ITGA9: variants seen among roughly 807,000 people sequenced by gnomAD.
The protein encoded by ITGA9 is integrin alpha-9.
Under a neutral mutation model 127.8 loss-of-function variants are expected in ITGA9, and 56 were observed. The observed-to-expected ratio is 0.44, with a 90% CI of 0.35 to 0.55. The LOEUF (loss-of-function observed/expected upper bound fraction) is 0.55. Ranked by LOEUF, ITGA9 falls within the 20% of genes least tolerant of loss-of-function variation. The probability of loss-of-function intolerance (pLI) is 0.00; values close to 1 mark genes in which losing one functional copy is unlikely to be tolerated. For missense variants in ITGA9, 1,196 were observed against 1,347.1 expected (o/e 0.89, Z 1.76); for synonymous variants, 508 against 514.5 (o/e 0.99, Z 0.17).
chr3:37,769,507 C>T (rs943573938), intron 23 of ITGA9, among the ~76,000 whole-genome samples: 4 of 152,178 alleles, frequency 2.6e-5, no homozygotes, highest in East Asian at 1.9e-4. Context: ...CCTCCACCCA[C>T]GCCATGTGTA....
At chr3:37,581,128 T>C (rs1439599881) in intron 15 of ITGA9, among the ~76,000 whole-genome samples, 5 of 152,154 alleles carry the variant, frequency 3.3e-5, no homozygotes, top group African/African-American at 9.7e-5. Context: ...CCTGATATTG[T>C]AGATATTTTC....
chr3:37,681,589 G>C (rs1700735349), intron 17 of ITGA9, among the ~76,000 whole-genome samples: 1 of 152,116 alleles, frequency 6.6e-6, no homozygotes, highest in African/African-American at 2.4e-5. Flanking sequence ...ATGCTGAGTG[G>C]CCAAAAATAA....
At chr3:37,561,542 TAAG>T (rs1317606576) in intron 15 of ITGA9, among the ~76,000 whole-genome samples, 9 of 152,236 alleles carry the variant, frequency 5.9e-5, no homozygotes, top group Admixed American at 2.6e-4. Flanking sequence ...TTACAAAAGT[TAAG>T]AAGCATGGTT....
chr3:37,576,643 A>G (rs1041173000), intron 15 of ITGA9, among the ~76,000 whole-genome samples: 2 of 152,158 alleles, frequency 1.3e-5, no homozygotes, highest in Non-Finnish European at 2.9e-5. Flanking sequence ...ATCTGGCTCT[A>G]TCGCCCAGGC....
At chr3:37,739,745 C>T (rs998331549) in intron 20 of ITGA9, among the ~76,000 whole-genome samples, 4 of 152,036 alleles carry the variant, frequency 2.6e-5, no homozygotes, top group East Asian at 1.9e-4. Context: ...AGCAGTCACA[C>T]GATGACAGAT....
Position 37,819,148 on chromosome 3 carries a change from G to A in ITGA9, c.*159G>A. ...CAAGCCCAGGTGCCAGCCTGAGGCAGCCACTTCGGCCAGGTCACACGACCG... is the reference window on the plus strand; with the variant it reads ...CAAGCCCAGGTGCCAGCCTGAGGCAACCACTTCGGCCAGGTCACACGACCG... On this transcript the variant is annotated 3_prime_UTR_variant, in exon 28 of 28. Coordinates refer to ENST00000264741, the MANE Select transcript of ITGA9 (RefSeq NM_002207.3). 1 of 674,000 alleles carries A rather than the reference G, an allele frequency of 1.5e-6. No individual in the cohort carries two copies. The highest frequency in any genetic ancestry group is 2.7e-6 in the Non-Finnish European group (1 of 370,532). 41.8% of individuals were successfully genotyped at this position (674,000 alleles called of 1,614,324 possible).
chr3:37,607,137 C>A (rs1415606097), intron 15 of ITGA9, among the ~76,000 whole-genome samples: 1 of 151,992 alleles, frequency 6.6e-6, no homozygotes, highest in Admixed American at 6.6e-5. Flanking sequence ...CATGTGCCCC[C>A]GTACCTGGCT....
chr3:37,715,669 C>A (rs147454614), intron 18 of ITGA9, among the ~76,000 whole-genome samples: 3 of 152,180 alleles, frequency 2.0e-5, no homozygotes, highest in East Asian at 3.9e-4. Flanking sequence ...TAATGTTTGG[C>A]GGGTGGATTT....
intron 7 of ITGA9, among the ~76,000 whole-genome samples, chr3:37,507,282 A>G (rs1302798653): frequency 6.6e-6 from 1 of 152,206 alleles, no homozygotes; most frequent in Non-Finnish European, 1.5e-5. Context: ...AGCTGTTCAC[A>G]TTGATGTTGT....
Position 37,481,618 on chromosome 3 carries a change from A to G in ITGA9, c.544+11A>G. The G allele has an allele frequency of 6.2e-7, 1 of 1,614,062 alleles. No individual in the cohort carries two copies. The highest frequency in any genetic ancestry group is 1.1e-5 in the South Asian group (1 of 91,080). On this transcript the variant is annotated intron_variant, in intron 4 of 27. Transcript: ENST00000264741. The stretch of plus-strand genomic sequence containing the variant: ...TCCCTTGCTATGAAGGTGAGCATGG[A>G]TTGATTTTTCCTCATCCCCCTACCC...
intron 18 of ITGA9, among the ~76,000 whole-genome samples, chr3:37,709,113 G>T (rs1446333142): frequency 6.6e-6 from 1 of 152,150 alleles, no homozygotes; most frequent in Non-Finnish European, 1.5e-5. Context: ...GTGAGACTGA[G>T]CTAAGAATAA....
At chr3:37,532,997 G>A (rs267562) in intron 13 of ITGA9, among the ~76,000 whole-genome samples, 83,906 of 151,930 alleles carry the variant, frequency 0.55, 23,836 homozygotes, top group East Asian at 0.81. Context: ...ATGGAAATTG[G>A]TACTTAATTG....
intron 18 of ITGA9, among the ~76,000 whole-genome samples, chr3:37,706,125 C>G (rs1701002620): frequency 6.6e-6 from 1 of 152,086 alleles, no homozygotes. Flanking sequence ...GAGTGAGGAC[C>G]CAGGCAAGTT....
intron 23 of ITGA9, among the ~76,000 whole-genome samples, chr3:37,766,193 A>C (rs1696778347): frequency 6.6e-6 from 1 of 152,224 alleles, no homozygotes; most frequent in Admixed American, 6.5e-5. Flanking sequence ...ATGCTTCGGA[A>C]GCGCAAAAAC....
chr3:37,600,492 G>A (rs754230558), intron 15 of ITGA9, among the ~76,000 whole-genome samples: 3 of 152,114 alleles, frequency 2.0e-5, no homozygotes, highest in Admixed American at 1.3e-4. Context: ...TTCCAAGCAG[G>A]CCCGGAGAAG....
Position 37,684,019 on chromosome 3 carries a change from A to C in ITGA9, c.2067+4A>C, listed in dbSNP as rs1052797682. On this transcript the variant is annotated splice_donor_region_variant and intron_variant, in intron 18 of 27. Coordinates refer to ENST00000264741, the MANE Select transcript of ITGA9 (RefSeq NM_002207.3). ...CTTCATCAACATGTGGCAGAAGGTA[A>C]GGAGGGCATCCCTGTAAAAAGAGCA... 3.1e-6 allele frequency: 5 copies of C among 1,612,850 alleles called. No homozygotes were observed. Among genetic ancestry groups the C allele is most frequent in the African/African-American group, 1.3e-5 (1 of 74,898 alleles).
chr3:37,706,946 T>G (rs542615853), intron 18 of ITGA9, among the ~76,000 whole-genome samples: 1 of 152,188 alleles, frequency 6.6e-6, no homozygotes, highest in African/African-American at 2.4e-5. Context: ...GAAGTAAAAG[T>G]TTGTGTTCTG....
chr3:37,641,076 G>T (rs868837043), intron 16 of ITGA9, among the ~76,000 whole-genome samples: 1 of 152,134 alleles, frequency 6.6e-6, no homozygotes, highest in Non-Finnish European at 1.5e-5. Context: ...CTGCAGGCCC[G>T]TGGGTGGGCT....
intron 15 of ITGA9, among the ~76,000 whole-genome samples, chr3:37,579,574 G>A (rs146718818): frequency 2.9e-3 from 442 of 152,210 alleles, no homozygotes; most frequent in Non-Finnish European, 5.0e-3. Context: ...ATGTCTTTTA[G>A]GTAGGCATAT....
Sources: allele counts gnomAD v4.1 joint callset (sites outside exome capture counted in the v4.1 genomes callset), GRCh38; gene constraint gnomAD v4.1.1; transcripts MANE v1.5; gene names NCBI Gene and HGNC (gene_info 2026-07-23, HGNC 2026-07-21).